Variants in HDAC9 observed in about 807,000 individuals in gnomAD.
HDAC9 encodes the protein histone deacetylase 9.
In HDAC9, 41 loss-of-function variants were observed where a neutral mutation model predicts 139.4. The observed-to-expected ratio is 0.29, with a 90% CI of 0.23 to 0.38. The LOEUF is 0.38. HDAC9 is among the 10% of genes least tolerant of loss of function. The pLI, the probability that HDAC9 is intolerant of heterozygous loss-of-function variation, is 1.00. For missense variants in HDAC9, 1,147 were observed against 1,297.0 expected, an observed-to-expected ratio of 0.88 and a Z score of 1.78; for synonymous variants, 517 against 476.2, an observed-to-expected ratio of 1.09 and a Z score of -1.12.
At chr7:18,481,523 G>T (rs1243137901) in intron 1 of HDAC9, among the ~76,000 whole-genome samples, 1 of 152,182 alleles carries the variant, frequency 6.6e-6, no homozygotes, top group African/African-American at 2.4e-5. Context: ...GGTTATAAGG[G>T]TTATACTTGG....
At chr7:18,578,924 C>A (rs1313856803) in intron 2 of HDAC9, among the ~76,000 whole-genome samples, 1 of 152,146 alleles carries the variant, frequency 6.6e-6, no homozygotes, top group Non-Finnish European at 1.5e-5. Context: ...CAGTTTAAAC[C>A]AGATAACTTC....
intron 2 of HDAC9, among the ~76,000 whole-genome samples, chr7:18,257,454 AAGT>A (rs1795351599): frequency 6.6e-6 from 1 of 150,988 alleles, no homozygotes; most frequent in Non-Finnish European, 1.5e-5. Context: ...AAAAAAGAAA[AAGT>A]AGCATAAATT....
At position 18,495,978 on chromosome 7, in the gene HDAC9, C is replaced by T; in HGVS notation, c.-87C>T. 1 of 1,290,632 alleles carries T rather than the reference C, an allele frequency of 7.7e-7. No homozygotes were observed. Among genetic ancestry groups the T allele is most frequent in the Non-Finnish European group, 9.8e-7 (1 of 1,021,654 alleles). The allele number at this position is 1,290,632 out of a possible 1,614,324, so 79.9% of individuals were successfully genotyped here. ...TGTAGTTTCCGGGATAACCTAAACT[C>T]CAGAGAGCTATAGCATCCACTCTGT... On this transcript the variant is annotated 5_prime_UTR_variant, in exon 1 of 26. Transcript: ENST00000686413.
chr7:18,867,595 T>G (rs1798591204), intron 21 of HDAC9, among the ~76,000 whole-genome samples: 1 of 152,216 alleles, frequency 6.6e-6, no homozygotes, highest in African/African-American at 2.4e-5. Context: ...TTCTGATTCT[T>G]TGAGGACACG....
intron 9 of HDAC9, among the ~76,000 whole-genome samples, chr7:18,645,607 T>C (rs926737432): frequency 6.6e-6 from 1 of 152,180 alleles, no homozygotes; most frequent in African/African-American, 2.4e-5. Flanking sequence ...CAATAATTAT[T>C]CTAGGCATAT....
chr7:18,892,249 CTCTA>C (rs1303808476), intron 22 of HDAC9: 3 of 152,152 alleles, frequency 2.0e-5, no homozygotes, highest in South Asian at 2.1e-4. Flanking sequence ...GTTTAAAATT[CTCTA>C]TCTAGAATAT....
chr7:18,972,034 T>C (rs1335481481), intron 24 of HDAC9, among the ~76,000 whole-genome samples: 1 of 152,208 alleles, frequency 6.6e-6, no homozygotes, highest in Non-Finnish European at 1.5e-5. Context: ...ACCCAATGCT[T>C]GGTAATTAAA....
chr7:18,930,945 G>C (rs4721728), intron 22 of HDAC9, among the ~76,000 whole-genome samples: 36,786 of 151,966 alleles, frequency 0.24, 4,560 homozygotes, highest in East Asian at 0.36. Context: ...GGATCGCTCT[G>C]TCTCTTTCTT....
At chr7:18,173,164 GT>G (rs1324985108) in intron 2 of HDAC9, among the ~76,000 whole-genome samples, 1 of 152,138 alleles carries the variant, frequency 6.6e-6, no homozygotes, top group African/African-American at 2.4e-5. Flanking sequence ...ATTTAGTATG[GT>G]TAGCTCTTCT....
intron 6 of HDAC9, among the ~76,000 whole-genome samples, chr7:18,604,687 C>G (rs1316127313): frequency 6.6e-6 from 1 of 152,196 alleles, no homozygotes; most frequent in Non-Finnish European, 1.5e-5. Context: ...GCGTGAGCCA[C>G]CGCGCCCGGA....
chr7:18,330,548 C>A (rs963128955), intron 1 of HDAC9, among the ~76,000 whole-genome samples: 2 of 151,450 alleles, frequency 1.3e-5, no homozygotes, highest in African/African-American at 4.8e-5. Context: ...TAGAATACTT[C>A]TGAAACCACC....
intron 13 of HDAC9, 91 bp downstream of exon 13, chr7:18,727,848 T>A (rs2129129163): frequency 2.0e-6 from 2 of 1,018,534 alleles, no homozygotes. Context: ...ATAACTCCAA[T>A]AGCAGAACAC....
At position 18,835,334 on chromosome 7, in the gene HDAC9, A is replaced by C; in HGVS notation, c.2467-133A>C. On this transcript the variant is annotated intron_variant, in intron 19 of 25. Coordinates refer to ENST00000686413, the MANE Select transcript of HDAC9 (RefSeq NM_178425.4). Reference sequence around the variant, plus strand: ...GAAGCAGGCTGAAAGGGAGAAAGAAAAGAGGAACGTAGTGAGAAGACAGAA... The same window carrying C: ...GAAGCAGGCTGAAAGGGAGAAAGAACAGAGGAACGTAGTGAGAAGACAGAA... 2 of 999,198 alleles carry C rather than the reference A, an allele frequency of 2.0e-6. 1 individual carries two copies. Among genetic ancestry groups the C allele is most frequent in the South Asian group, 3.9e-5 (2 of 51,228 alleles). 61.9% of individuals were successfully genotyped at this position (999,198 alleles called of 1,614,324 possible). A position where few individuals can be genotyped will look rare whatever the true frequency, so the allele number is the denominator to read the frequency against.
At chr7:18,488,558 T>G (rs1285203300) in intron 1 of HDAC9, among the ~76,000 whole-genome samples, 1 of 151,966 alleles carries the variant, frequency 6.6e-6, no homozygotes, top group Non-Finnish European at 1.5e-5. Flanking sequence ...TCTAGAATTT[T>G]GAGCGCAAAT....
chr7:18,090,322 C>T (rs10255982), intron 1 of HDAC9, among the ~76,000 whole-genome samples: 52,439 of 151,986 alleles, frequency 0.35, 9,358 homozygotes, highest in African/African-American at 0.43. Flanking sequence ...CATCTTTATA[C>T]ATGTGCAGAT....
Position 18,591,469 on chromosome 7 carries a change from GTGTGTA to G in HDAC9, c.416-41_416-36del, listed in dbSNP as rs751617830. The stretch of plus-strand genomic sequence containing the variant: ...ACTCACCATCAACATCTGTTTCTGT[GTGTGTA>G]TGTGTGTGTGTGTGTGTGTGTGTGT... On this transcript the variant is annotated intron_variant, in intron 4 of 25. Transcript: ENST00000686413. 5.1e-5 allele frequency: 76 copies of G among 1,478,762 alleles called. No homozygotes were observed. The African/African-American group carries it at 7.9e-4, about 15-fold the overall frequency. 91.6% of individuals were successfully genotyped at this position (1,478,762 alleles called of 1,614,324 possible). A position where few individuals can be genotyped will look rare whatever the true frequency, so the allele number is the denominator to read the frequency against.
chr7:18,764,022 A>G (rs937278812), intron 15 of HDAC9, among the ~76,000 whole-genome samples: 3 of 152,160 alleles, frequency 2.0e-5, no homozygotes, highest in Admixed American at 6.5e-5. Context: ...TCAAACTTTT[A>G]TTCATAAAAC....
chr7:18,835,789 G>T, intron 20 of HDAC9, 111 bp from the exon 21 acceptor site: 1 of 971,934 alleles, frequency 1.0e-6, no homozygotes, highest in Non-Finnish European at 1.6e-6. Context: ...CTGATTTGAT[G>T]TGTTGTTTGA....
chr7:18,255,089 C>T (rs1795145936), intron 2 of HDAC9, among the ~76,000 whole-genome samples: 1 of 152,064 alleles, frequency 6.6e-6, no homozygotes, highest in Admixed American at 6.5e-5. Flanking sequence ...TAATGCATGC[C>T]TCTTGGTTGT....
Sources: gnomAD v4.1 joint callset for allele counts (sites outside exome capture counted in the v4.1 genomes callset) on GRCh38, gnomAD v4.1.1 for gene constraint, MANE v1.5 for transcripts, NCBI Gene and HGNC (gene_info 2026-07-23, HGNC 2026-07-21) for gene names.